Variants in MAP4K2 observed in about 807,000 individuals in gnomAD.
The protein encoded by MAP4K2 is mitogen-activated protein kinase kinase kinase kinase 2, also known as B lymphocyte serine/threonine protein kinase.
In MAP4K2, 85 loss-of-function variants were observed where a neutral mutation model predicts 125.3. The observed-to-expected ratio is 0.68, with a 90% CI of 0.57 to 0.81. The LOEUF is 0.81. Among genes scored for constraint, MAP4K2 ranks in the 40% least tolerant of loss-of-function variants. The pLI is 0.00. For missense variants in MAP4K2, 923 were observed against 1,056.4 expected, an observed-to-expected ratio of 0.87 and a Z score of 1.75; for synonymous variants, 479 against 445.1, an observed-to-expected ratio of 1.08 and a Z score of -0.96.
chr11:64,800,417 C>A (rs779510090), intron 10 of MAP4K2, 25 bp from the exon 11 acceptor site: 2 of 1,611,830 alleles, frequency 1.2e-6, no homozygotes, highest in Admixed American at 1.7e-5. Context: ...AGCCCCCCAG[C>A]GCCAGATCCA....
At chr11:64,797,709 T>TC in intron 15 of MAP4K2, 45 bp from the exon 16 acceptor site, 1 of 1,431,922 alleles carries the variant, frequency 7.0e-7, no homozygotes, top group East Asian at 2.6e-5. Flanking sequence ...TTTCCTTTTT[T>TC]TTTTTTTTTT....
At chr11:64,802,781 G>A (rs1941300156) in intron 2 of MAP4K2, 104 bp downstream of exon 2, 1 of 1,470,764 alleles carries the variant, frequency 6.8e-7, no homozygotes, top group Non-Finnish European at 9.3e-7. Flanking sequence ...ACCTCCCGGG[G>A]CACGCCTCTC....
At chr11:64,800,864 A>T in intron 9 of MAP4K2, 36 bp downstream of exon 9, 1 of 1,613,906 alleles carries the variant, frequency 6.2e-7, no homozygotes, top group Non-Finnish European at 8.5e-7. Flanking sequence ...CAGGCCGCAG[A>T]TCAAGGGTCA....
chr11:64,793,600 C>T (rs1407588937), intron 24 of MAP4K2, among the ~76,000 whole-genome samples: 2 of 152,284 alleles, frequency 1.3e-5, no homozygotes, highest in African/African-American at 4.8e-5. Flanking sequence ...TGGCCCATGT[C>T]CTGTTTGTAC....
At position 64,797,022 on chromosome 11, in the gene MAP4K2, C is replaced by A; in HGVS notation, c.1367G>T (p.Arg456Met). ...ATMKQREDPE[R>M]SSCHGLPPTP... ...TGGGGGGAGCCCGTGGCAGGATGAC[C>A]TCTGGGAGGGAGGAAAGGAGTCAGG... The change falls in exon 20 of 32, where the codon AGG becomes ATG. Residue 456 changes from arginine to methionine, a missense_variant and splice_region_variant. Arg to Met is a moderately conservative substitution (Grantham distance 91). Coordinates refer to ENST00000294066, the MANE Select transcript of MAP4K2 (RefSeq NM_004579.5). The A allele has an allele frequency of 6.2e-7, 1 of 1,614,068 alleles. No homozygotes were observed. The highest frequency in any genetic ancestry group is 8.5e-7 in the Non-Finnish European group (1 of 1,180,004).
rs992813386 is a variant in MAP4K2, at chr11:64,787,832, G to C, written c.*1705C>G. 7 of 152,248 alleles carry C rather than the reference G, an allele frequency of 4.6e-5. No individual in the cohort carries two copies. The highest frequency in any genetic ancestry group is 1.7e-4 in the African/African-American group (7 of 41,448). 9.4% of individuals were successfully genotyped at this position (152,248 alleles called of 1,614,324 possible). ...CAGGGCGCCTTTGGTCAGGGCCTTT[G>C]CTGAGCAGGAGCTCACCTCCCTGTC... On this transcript the variant is annotated 3_prime_UTR_variant, in exon 32 of 32. Transcript: ENST00000294066.
chr11:64,792,033 C>T lies in MAP4K2; in HGVS notation c.1968G>A (p.Leu656=). The T allele has an allele frequency of 6.3e-7, 1 of 1,597,264 alleles. No individual in the cohort carries two copies. The highest frequency in any genetic ancestry group is 8.5e-7 in the Non-Finnish European group (1 of 1,172,470). ...SPAGMLEPLV[L]DGKELPQVCV... Reference sequence around the variant, plus strand: ...ACACCTGCGGCAGCTCCTTCCCATCCAGCACCAGCGGCTCCAGCATCCCAG... The same window carrying T: ...ACACCTGCGGCAGCTCCTTCCCATCTAGCACCAGCGGCTCCAGCATCCCAG... Residue 656 remains leucine (L), a synonymous_variant, in exon 27 of 32, where the codon CTG becomes CTA. Coordinates refer to ENST00000294066, the MANE Select transcript of MAP4K2 (RefSeq NM_004579.5).
rs1940266816 is a variant in MAP4K2 at position 64,787,966 on chromosome 11, C to A, written c.*1571G>T. On this transcript the variant is annotated 3_prime_UTR_variant, in exon 32 of 32. Transcript: ENST00000294066. ...CCACCGACCCCAATTTGGAAGGTGC[C>A]CCTCACCCTCCTTGGGGCTCACGGG... 1 of 152,152 alleles carries A rather than the reference C, an allele frequency of 6.6e-6. No individual in the cohort carries two copies. Among genetic ancestry groups the A allele is most frequent in the African/African-American group, 2.4e-5 (1 of 41,396 alleles). The allele number at this position is 152,152 out of a possible 1,614,324, so 9.4% of individuals were successfully genotyped here.
intron 17 of MAP4K2, 35 bp from the exon 18 acceptor site, chr11:64,797,415 C>T (rs1249802653): frequency 2.6e-6 from 4 of 1,559,356 alleles, no homozygotes; most frequent in Non-Finnish European, 3.5e-6. Flanking sequence ...CCGGCCGTTA[C>T]CAGGTTGCCC....
chr11:64,799,291 G>A, intron 14 of MAP4K2, 130 bp downstream of exon 14: 1 of 1,103,556 alleles, frequency 9.1e-7, no homozygotes, highest in Non-Finnish European at 1.3e-6. Flanking sequence ...AGGCTTGCTT[G>A]GACAGTCTAA....
At chr11:64,791,795 G>A in intron 27 of MAP4K2, 114 bp downstream of exon 27, 1 of 1,179,294 alleles carries the variant, frequency 8.5e-7, no homozygotes, top group South Asian at 1.7e-5. Flanking sequence ...CAAGGTCTCT[G>A]TGGAGCCACT....
At position 64,797,180 on chromosome 11, in the gene MAP4K2, G is replaced by T; in HGVS notation, c.1289C>A (p.Pro430Gln). 1.2e-6 allele frequency: 2 copies of T among 1,613,692 alleles called. No individual in the cohort carries two copies. Among genetic ancestry groups the T allele is most frequent in the Non-Finnish European group, 1.7e-6 (2 of 1,179,860 alleles). Residue 430 changes from proline to glutamine, a missense_variant, in exon 19 of 32, where the codon CCA becomes CAA. This residue lies in a region of MAP4K2 where 833 missense variants were observed against 911.4 expected (regional missense o/e 0.91). Transcript: ENST00000294066. ...PLSSPPGTLP[P>Q]PPSGPNSSPL... ...GGAGCTGTTGGGGCCTGAAGGAGGT[G>T]GGGGCAGGGTTCCTGCAGGCACAGG... is the stretch of plus-strand genomic sequence containing the variant.
In MAP4K2 at chr11:64,785,588, C is replaced by CTTTTTTT. The variant is rs72193917; in HGVS notation, c.*3942_*3948dup. The CTTTTTTT allele has an allele frequency of 6.9e-6, 1 of 145,482 alleles. No homozygotes were observed. The allele number at this position is 145,482 out of a possible 1,614,324, so 9.0% of individuals were successfully genotyped here. On this transcript the variant is annotated 3_prime_UTR_variant, in exon 32 of 32. Coordinates refer to ENST00000294066, the MANE Select transcript of MAP4K2 (RefSeq NM_004579.5). ...TAAATATTTTTTAAAAATTTTTTTCCTTTTTTTTTTTTTCTTTTTGAGACA... is the reference window on the plus strand; with the variant it reads ...TAAATATTTTTTAAAAATTTTTTTCCTTTTTTTTTTTTTTTTTTTTCTTTTTGAGACA...
chr11:64,796,991 G>C lies in MAP4K2; in HGVS notation c.1398C>G (p.Pro466=), dbSNP rs897190243. 6.2e-7 allele frequency: 1 copy of C among 1,613,910 alleles called. No homozygotes were observed. Among genetic ancestry groups the C allele is most frequent in the Non-Finnish European group, 8.5e-7 (1 of 1,179,940 alleles). ...TGGGGCAAACACTTACATGCACCTT[G>C]GGAGTTGGGGGGAGCCCGTGGCAGG... ...RSSCHGLPPT[P]KVHMGACFSK... Residue 466 remains proline (P), a synonymous_variant, in exon 20 of 32, where the codon CCC becomes CCG. Coordinates refer to ENST00000294066, the MANE Select transcript of MAP4K2 (RefSeq NM_004579.5).
rs1356428559 is a variant in MAP4K2 at position 64,789,064 on chromosome 11, GA to G, written c.*472del. 5.8e-6 allele frequency: 1 copy of G among 172,772 alleles called. No homozygotes were observed. Among genetic ancestry groups the G allele is most frequent in the African/African-American group, 2.4e-5 (1 of 41,684 alleles). 10.7% of individuals were successfully genotyped at this position (172,772 alleles called of 1,614,324 possible). ...GCCCTGCCCTTCTGTGGTGCCCACAGAAACGTGTGTTGGAGGGAAGGAGGCG... is the reference window on the plus strand; with the variant it reads ...GCCCTGCCCTTCTGTGGTGCCCACAGAACGTGTGTTGGAGGGAAGGAGGCG... On this transcript the variant is annotated 3_prime_UTR_variant, in exon 32 of 32. Coordinates refer to ENST00000294066, the MANE Select transcript of MAP4K2 (RefSeq NM_004579.5).
At chr11:64,799,773 G>A in intron 12 of MAP4K2, 90 bp from the exon 13 acceptor site, 1 of 1,056,578 alleles carries the variant, frequency 9.5e-7, no homozygotes, top group Non-Finnish European at 1.4e-6. Context: ...AGTGCGTTTT[G>A]CTTTCATGAC....
chr11:64,803,002 G>A (rs1356203352), intron 1 of MAP4K2, 52 bp downstream of exon 1: 2 of 1,573,136 alleles, frequency 1.3e-6, no homozygotes, highest in East Asian at 2.4e-5. Flanking sequence ...ATCCTGCCGC[G>A]GGGTGCGGGG....
intron 24 of MAP4K2, among the ~76,000 whole-genome samples, chr11:64,793,138 C>T (rs1288467392): frequency 6.6e-6 from 1 of 152,094 alleles, no homozygotes; most frequent in Non-Finnish European, 1.5e-5. Flanking sequence ...ATTGCTTGAA[C>T]CCAGGAGGCG....
intron 24 of MAP4K2, 124 bp downstream of exon 24, chr11:64,796,149 G>A: frequency 1.2e-6 from 1 of 858,756 alleles, no homozygotes; most frequent in Non-Finnish European, 1.7e-6. Flanking sequence ...TGACAGAGGA[G>A]GAAACGGGCG....
Sources: allele counts gnomAD v4.1 joint callset (sites outside exome capture counted in the v4.1 genomes callset), GRCh38; gene constraint gnomAD v4.1.1; regional missense constraint gnomAD v4.1.1; transcripts MANE v1.5; gene names NCBI Gene and HGNC (gene_info 2026-07-23, HGNC 2026-07-21).